Variants in BNC2 observed in about 807,000 individuals in gnomAD.
BNC2 encodes the protein zinc finger protein basonuclin-2.
A neutral mutation model predicts 76.3 loss-of-function variants in BNC2; 20 were observed. That is an observed-to-expected ratio of 0.26 (90% CI 0.18 to 0.38). The LOEUF is 0.38. BNC2 is among the 10% of genes least tolerant of loss of function. The probability of loss-of-function intolerance (pLI) is 1.00; values close to 1 mark genes in which losing one functional copy is unlikely to be tolerated. For synonymous variants in BNC2, 582 were observed against 514.8 expected, an observed-to-expected ratio of 1.13 and a Z score of -1.77; for missense variants, 1,382 against 1,399.8, an observed-to-expected ratio of 0.99 and a Z score of 0.20.
intron 3 of BNC2, among the ~76,000 whole-genome samples, chr9:16,670,546 A>T (rs948455234): frequency 6.6e-6 from 1 of 152,200 alleles, no homozygotes; most frequent in African/African-American, 2.4e-5. Flanking sequence ...AATCAAGGAC[A>T]TAGGATATAA....
At chr9:16,519,055 A>G (rs1817530564) in intron 5 of BNC2, among the ~76,000 whole-genome samples, 1 of 152,210 alleles carries the variant, frequency 6.6e-6, no homozygotes, top group Non-Finnish European at 1.5e-5. Flanking sequence ...AATTTTTAGA[A>G]AGAGACAGAG....
intron 2 of BNC2, among the ~76,000 whole-genome samples, chr9:16,732,805 C>T (rs560686205): frequency 6.1e-4 from 93 of 152,278 alleles, no homozygotes; most frequent in African/African-American, 1.7e-3. Context: ...ATAAAAATGA[C>T]GCTCCACATC....
At chr9:16,752,723 A>G (rs932462046) in intron 1 of BNC2, among the ~76,000 whole-genome samples, 5 of 152,326 alleles carry the variant, frequency 3.3e-5, no homozygotes, top group African/African-American at 1.2e-4. Context: ...AATCGCAACA[A>G]TCTTTTTTAA....
chr9:16,432,305 G>A (rs1346626201), intron 6 of BNC2, among the ~76,000 whole-genome samples: 6 of 152,288 alleles, frequency 3.9e-5, no homozygotes, highest in African/African-American at 1.4e-4. Flanking sequence ...TACACAAAGA[G>A]CATTCTTGCT....
intron 3 of BNC2, among the ~76,000 whole-genome samples, chr9:16,627,650 T>C (rs1821036682): frequency 6.6e-6 from 1 of 152,086 alleles, no homozygotes; most frequent in African/African-American, 2.4e-5. Context: ...GAAACTCCCA[T>C]TTATTGTTCT....
intron 3 of BNC2, among the ~76,000 whole-genome samples, chr9:16,721,682 C>T (rs1161348283): frequency 6.6e-6 from 1 of 152,182 alleles, no homozygotes; most frequent in East Asian, 1.9e-4. Flanking sequence ...AATCTTGGAA[C>T]ATTATATTCC....
chr9:16,430,136 A>G, intron 6 of BNC2: 1 of 422,724 alleles, frequency 2.4e-6, no homozygotes, highest in South Asian at 1.7e-5. Context: ...AAGTAATGGA[A>G]GATAAGTACA....
chr9:16,453,876 A>C (rs1310304191), intron 5 of BNC2, among the ~76,000 whole-genome samples: 1 of 152,214 alleles, frequency 6.6e-6, no homozygotes, highest in African/African-American at 2.4e-5. Flanking sequence ...AAATTCTTTA[A>C]TGCTGCCATT....
At chr9:16,688,664 C>T (rs893853017) in intron 3 of BNC2, among the ~76,000 whole-genome samples, 2 of 151,952 alleles carry the variant, frequency 1.3e-5, no homozygotes, top group Non-Finnish European at 2.9e-5. Flanking sequence ...GTATATGTTG[C>T]TTTAAAAGTA....
intron 1 of BNC2, among the ~76,000 whole-genome samples, chr9:16,806,173 C>T (rs1027106978): frequency 5.9e-5 from 9 of 152,060 alleles, no homozygotes; most frequent in African/African-American, 2.2e-4. Flanking sequence ...TATAAAAATA[C>T]TCAAATATTT....
intron 1 of BNC2, among the ~76,000 whole-genome samples, chr9:16,792,838 C>T (rs1817549982): frequency 6.6e-6 from 1 of 152,166 alleles, no homozygotes; most frequent in Admixed American, 6.5e-5. Context: ...GGTCTGATTT[C>T]ACAAGGAATT....
intron 5 of BNC2, among the ~76,000 whole-genome samples, chr9:16,465,299 G>A (rs1821680347): frequency 6.6e-6 from 1 of 152,044 alleles, no homozygotes. Flanking sequence ...AGCCAGGTGT[G>A]GTGGCAGGCG....
At chr9:16,657,390 T>TA (rs1055708709) in intron 3 of BNC2, among the ~76,000 whole-genome samples, 14 of 151,984 alleles carry the variant, frequency 9.2e-5, no homozygotes, top group Admixed American at 1.3e-4. Flanking sequence ...GAGAAATAAG[T>TA]AAAAAAAACA....
intron 5 of BNC2, among the ~76,000 whole-genome samples, chr9:16,534,987 G>A (rs1818085156): frequency 6.6e-6 from 1 of 152,072 alleles, no homozygotes; most frequent in African/African-American, 2.4e-5. Context: ...AGAAAAATCT[G>A]CCTATTTTTT....
intron 5 of BNC2, among the ~76,000 whole-genome samples, chr9:16,448,183 T>C (rs1821266054): frequency 6.6e-6 from 1 of 152,142 alleles, no homozygotes; most frequent in South Asian, 2.1e-4. Flanking sequence ...AGGTCTACAT[T>C]TTCTAGCTTA....
chr9:16,535,575 T>G (rs1417024889), intron 5 of BNC2, among the ~76,000 whole-genome samples: 1 of 152,086 alleles, frequency 6.6e-6, no homozygotes, highest in Non-Finnish European at 1.5e-5. Context: ...CAGCCTTATG[T>G]CTGCTTGAAC....
chr9:16,639,514 T>TA (rs1291787441), intron 3 of BNC2, among the ~76,000 whole-genome samples: 7 of 152,198 alleles, frequency 4.6e-5, no homozygotes, highest in Admixed American at 4.6e-4. Context: ...ATCTTTATGT[T>TA]AGTGCCTCTT....
At chr9:16,847,112 G>A (rs1015386439) in intron 1 of BNC2, among the ~76,000 whole-genome samples, 2 of 152,150 alleles carry the variant, frequency 1.3e-5, no homozygotes, top group Admixed American at 6.5e-5. Context: ...AACTAAATGT[G>A]AAGATGTATG....
chr9:16,850,519 A>G (rs1447027682), intron 1 of BNC2, among the ~76,000 whole-genome samples: 3 of 152,230 alleles, frequency 2.0e-5, no homozygotes, highest in Non-Finnish European at 4.4e-5. Flanking sequence ...TCATCTGTAA[A>G]TACTTCTAGG....
Sources: gnomAD v4.1 joint callset for allele counts (sites outside exome capture counted in the v4.1 genomes callset) on GRCh38, gnomAD v4.1.1 for gene constraint, MANE v1.5 for transcripts, NCBI Gene and HGNC (gene_info 2026-07-23, HGNC 2026-07-21) for gene names.